Variants in RGL1 observed in about 807,000 individuals in gnomAD.
RGL1 encodes ral guanine nucleotide dissociation stimulator-like 1.
In RGL1, 24 loss-of-function variants were observed where a neutral mutation model predicts 95.2. That is an observed-to-expected ratio of 0.25 (90% confidence interval 0.18 to 0.35). The LOEUF is 0.35. Ranked by LOEUF, RGL1 falls within the 10% of genes least tolerant of loss-of-function variation. RGL1 has a pLI of 1.00. For synonymous variants in RGL1, 329 were observed against 344.9 expected, an observed-to-expected ratio of 0.95 and a Z score of 0.51; for missense variants, 715 against 936.3, an observed-to-expected ratio of 0.76 and a Z score of 3.08.
At chr1:183,655,735 A>G (rs148784445) in intron 1 of RGL1, among the ~76,000 whole-genome samples, 1 of 152,318 alleles carries the variant, frequency 6.6e-6, no homozygotes, top group East Asian at 1.9e-4. Context: ...AACACCACAG[A>G]CTTTCTCTTA....
At chr1:183,757,937 G>A (rs765905680) in intron 2 of RGL1, among the ~76,000 whole-genome samples, 15 of 152,124 alleles carry the variant, frequency 9.9e-5, no homozygotes, top group Non-Finnish European at 2.1e-4. Context: ...TTCTTGTCCA[G>A]ACCATAACCA....
At chr1:183,846,556 TAAA>T (rs1035284249) in intron 2 of RGL1, among the ~76,000 whole-genome samples, 1 of 150,464 alleles carries the variant, frequency 6.6e-6, no homozygotes, top group Non-Finnish European at 1.5e-5. Flanking sequence ...AAAAAAAGAA[TAAA>T]AAACTCCAAC....
At position 183,883,977 on chromosome 1, in the gene RGL1, C is replaced by A. The variant is rs555555173; in HGVS notation, c.735+67C>A. The A allele has an allele frequency of 9.1e-6, 14 of 1,535,160 alleles. No individual in the cohort carries two copies. In the African/African-American group the frequency reaches 1.5e-4, roughly 16 times the overall value. The stretch of plus-strand genomic sequence containing the variant: ...CATAGGGGAGTGATGGCACTGGTGC[C>A]CCGGTGACAGCAGTGGGATAATGTG... On this transcript the variant is annotated intron_variant, in intron 6 of 17. Transcript: ENST00000360851.
chr1:183,858,809 T>C (rs1206112856), intron 3 of RGL1, among the ~76,000 whole-genome samples: 1 of 152,204 alleles, frequency 6.6e-6, no homozygotes, highest in Non-Finnish European at 1.5e-5. Context: ...TTTAGATAAA[T>C]TGATATTCCG....
chr1:183,673,520 CT>C (rs1427496963), intron 1 of RGL1, among the ~76,000 whole-genome samples: 3 of 152,182 alleles, frequency 2.0e-5, no homozygotes, highest in Non-Finnish European at 4.4e-5. Flanking sequence ...AAATCCTGAA[CT>C]TCTTGATTAC....
chr1:183,912,390 GA>G (rs1668700500), intron 15 of RGL1, 122 bp downstream of exon 15: 1 of 793,322 alleles, frequency 1.3e-6, no homozygotes, highest in Non-Finnish European at 1.9e-6. Flanking sequence ...GTCATGTTTT[GA>G]ACAGGCATCA....
At chr1:183,701,657 G>A (rs968431016) in intron 1 of RGL1, among the ~76,000 whole-genome samples, 5 of 151,358 alleles carry the variant, frequency 3.3e-5, no homozygotes, top group African/African-American at 1.2e-4. Context: ...ATATTTTATT[G>A]GCCGGGTGCA....
chr1:183,820,087 C>A (rs899096356), intron 2 of RGL1, among the ~76,000 whole-genome samples: 1 of 151,968 alleles, frequency 6.6e-6, no homozygotes, highest in Non-Finnish European at 1.5e-5. Flanking sequence ...ATGACTAGCC[C>A]ATTTTGTTTT....
At chr1:183,655,673 C>A (rs890748407) in intron 1 of RGL1, among the ~76,000 whole-genome samples, 2 of 152,212 alleles carry the variant, frequency 1.3e-5, no homozygotes, top group African/African-American at 4.8e-5. Context: ...CACAAGGTGG[C>A]AGCACAGTCT....
At chr1:183,840,496 CA>C (rs1663975291) in intron 2 of RGL1, among the ~76,000 whole-genome samples, 1 of 152,094 alleles carries the variant, frequency 6.6e-6, no homozygotes, top group African/African-American at 2.4e-5. Flanking sequence ...ATAGCGTTTT[CA>C]TGACTTTTTT....
At chr1:183,826,161 C>T (rs1241709938) in intron 2 of RGL1, among the ~76,000 whole-genome samples, 4 of 151,976 alleles carry the variant, frequency 2.6e-5, no homozygotes, top group Non-Finnish European at 5.9e-5. Flanking sequence ...TCATGCCATT[C>T]TCCTGCCTCA....
chr1:183,673,969 C>T lies in RGL1; in HGVS notation c.-33+37468C>T, dbSNP rs188562196. Among the ~76,000 whole-genome samples, 343 of 152,316 alleles carry T rather than the reference C, an allele frequency of 2.3e-3. 1 individual carries two copies. The highest frequency in any genetic ancestry group is 5.8e-4 in the East Asian group (3 of 5,178). ...TCTCTGTTGCCAAGGTCTAGGCATG[C>T]TTTGAATTCCAACCTACCTGAATTA... On this transcript the variant is annotated intron_variant, in intron 1 of 18. Transcript: ENST00000304685.
chr1:183,834,513 G>A (rs1174204812), intron 2 of RGL1, among the ~76,000 whole-genome samples: 1 of 151,990 alleles, frequency 6.6e-6, no homozygotes, highest in Non-Finnish European at 1.5e-5. Flanking sequence ...AATGTCTATG[G>A]CATATGCACT....
intron 14 of RGL1, among the ~76,000 whole-genome samples, chr1:183,909,077 TTAC>T (rs1572590111): frequency 6.6e-6 from 1 of 152,236 alleles, no homozygotes; most frequent in East Asian, 1.9e-4. Context: ...AGTACATCTC[TTAC>T]TAGTAAAATC....
At chr1:183,695,560 T>G (rs535607557) in intron 1 of RGL1, among the ~76,000 whole-genome samples, 2 of 152,336 alleles carry the variant, frequency 1.3e-5, no homozygotes, top group Non-Finnish European at 2.9e-5. Flanking sequence ...CCACCAACTT[T>G]CAAGTGGTTG....
intron 3 of RGL1, among the ~76,000 whole-genome samples, chr1:183,864,522 C>A (rs978186363): frequency 6.6e-6 from 1 of 152,142 alleles, no homozygotes; most frequent in Non-Finnish European, 1.5e-5. Context: ...CGATGTTGGC[C>A]AAGTATAGAG....
At chr1:183,689,799 A>G (rs956386134) in intron 1 of RGL1, among the ~76,000 whole-genome samples, 2 of 152,130 alleles carry the variant, frequency 1.3e-5, no homozygotes, top group African/African-American at 4.8e-5. Context: ...CCAGAAGATG[A>G]ACAGAGGGAT....
At chr1:183,906,915 G>C (rs1250914191) in intron 13 of RGL1, 97 bp from the exon 14 acceptor site, 3 of 741,698 alleles carry the variant, frequency 4.0e-6, no homozygotes, top group Non-Finnish European at 7.2e-6. Flanking sequence ...TGAACAATTA[G>C]AGCCTTCTCT....
Position 183,682,001 on chromosome 1 carries a change from A to C in RGL1, c.-33+45500A>C, listed in dbSNP as rs576209828. ...TGATGGTAGTTTGTATTTCTGTGAG[A>C]TCAGTGGTGATATCCCCTTTATCAT... is the stretch of plus-strand genomic sequence containing the variant. On this transcript the variant is annotated intron_variant, in intron 1 of 18. Transcript: ENST00000304685. Among the ~76,000 whole-genome samples, 3 of 152,218 alleles carry C rather than the reference A, an allele frequency of 2.0e-5. No individual in the cohort carries two copies. In the East Asian group the frequency reaches 5.8e-4, roughly 29 times the overall value.
Sources: allele counts gnomAD v4.1 joint callset (sites outside exome capture counted in the v4.1 genomes callset), GRCh38; gene constraint gnomAD v4.1.1; transcripts MANE v1.5; gene names NCBI Gene and HGNC (gene_info 2026-07-23, HGNC 2026-07-21).